Variants in NCAPG2 observed in about 807,000 individuals in gnomAD.
NCAPG2 encodes non-SMC condensin II complex subunit G2.
In NCAPG2, 53 loss-of-function variants were observed where a neutral mutation model predicts 141.1. The observed-to-expected ratio is 0.38, with a 90% CI of 0.30 to 0.47. NCAPG2 has a LOEUF of 0.47. Among genes scored for constraint, NCAPG2 ranks in the 20% least tolerant of loss-of-function variants. The pLI is 0.99. For synonymous variants in NCAPG2, 499 were observed against 490.7 expected (o/e 1.02, Z -0.22); for missense variants, 1,087 against 1,389.0 (o/e 0.78, Z 3.46).
At chr7:158,660,063 A>T (rs1209253223) in intron 16 of NCAPG2, among the ~76,000 whole-genome samples, 3 of 150,728 alleles carry the variant, frequency 2.0e-5, no homozygotes, top group Non-Finnish European at 4.4e-5. Context: ...AGCCAAGATC[A>T]CTCCACTGCA....
chr7:158,689,998 A>G (rs1396753539), intron 5 of NCAPG2, 45 bp from the exon 6 acceptor site: 1 of 1,408,368 alleles, frequency 7.1e-7, no homozygotes, highest in Non-Finnish European at 9.4e-7. Context: ...AATGAACAGT[A>G]AAGTCATATT....
intron 17 of NCAPG2, among the ~76,000 whole-genome samples, chr7:158,657,982 C>T (rs369164604): frequency 6.7e-4 from 101 of 151,720 alleles, no homozygotes; most frequent in African/African-American, 2.4e-3. Context: ...ATCACCACTC[C>T]CTAATCTCAA....
chr7:158,658,538 G>A (rs1424272791), intron 16 of NCAPG2, 130 bp from the exon 17 acceptor site: 7 of 754,862 alleles, frequency 9.3e-6, no homozygotes, highest in Non-Finnish European at 1.4e-5. Flanking sequence ...TCCTTTCCAC[G>A]TTCAAAAGGA....
intron 22 of NCAPG2, among the ~76,000 whole-genome samples, chr7:158,653,942 GTAGGGGCTAGGAGC>G (rs1831702046): frequency 6.6e-6 from 1 of 151,980 alleles, no homozygotes; most frequent in Non-Finnish European, 1.5e-5. Flanking sequence ...GGGTTAGGGA[GTAGGGGCTAGGAGC>G]TAGGGGCTAG....
rs763240633 is a variant in NCAPG2, at chr7:158,690,655, G to C, written c.450C>G (p.Thr150=). 1 of 1,614,036 alleles carries C rather than the reference G, an allele frequency of 6.2e-7. No individual in the cohort carries two copies. Among genetic ancestry groups the C allele is most frequent in the South Asian group, 1.1e-5 (1 of 91,080 alleles). ...TGGCAGGCAGGCCTTTCTCCCACCA[G>C]GTAACACACAAATCCTGAATAGAAC... ...LQSSIQDLCV[T]WWEKGLPAKE... Residue 150 remains threonine (T), a synonymous_variant, in exon 5 of 28, where the codon ACC becomes ACG. Transcript: ENST00000356309.
At chr7:158,702,057 T>C (rs1835834951) in intron 1 of NCAPG2, 119 bp from the exon 2 acceptor site, 1 of 570,230 alleles carries the variant, frequency 1.8e-6, no homozygotes. Context: ...TGGCAGACAG[T>C]TTCTAAAAAC....
chr7:158,689,962 G>T lies in NCAPG2; in HGVS notation c.538-9C>A, dbSNP rs372336576. 3 of 1,489,998 alleles carry T rather than the reference G, an allele frequency of 2.0e-6. No individual in the cohort carries two copies. In the South Asian group the frequency reaches 4.4e-5, roughly 22 times the overall value. The allele number at this position is 1,489,998 out of a possible 1,614,324, so 92.3% of individuals were successfully genotyped here. A position where few individuals can be genotyped will look rare whatever the true frequency, so the allele number is the denominator to read the frequency against. On this transcript the variant is annotated splice_polypyrimidine_tract_variant and intron_variant, in intron 5 of 27. Transcript: ENST00000356309. ...CGACATACGTCTGCACCCTAGGAATGACACAAAAAATGTGATACCTTTTTC... is the reference window on the plus strand; with the variant it reads ...CGACATACGTCTGCACCCTAGGAATTACACAAAAAATGTGATACCTTTTTC...
intron 13 of NCAPG2, chr7:158,667,240 T>G: frequency 1.0e-6 from 1 of 984,596 alleles, no homozygotes; most frequent in Non-Finnish European, 1.2e-6. Flanking sequence ...GCGCCCAAAC[T>G]TCCTGGTGGG....
At chr7:158,666,148 C>T (rs1478216078) in intron 13 of NCAPG2, among the ~76,000 whole-genome samples, 7 of 152,148 alleles carry the variant, frequency 4.6e-5, no homozygotes, top group Admixed American at 3.3e-4. Flanking sequence ...GATTTCTTAC[C>T]TAAGGGTGAG....
intron 27 of NCAPG2, among the ~76,000 whole-genome samples, chr7:158,637,396 G>A (rs891523647): frequency 7.4e-6 from 1 of 135,646 alleles, no homozygotes; most frequent in Non-Finnish European, 1.6e-5. Context: ...TCACCGTGGG[G>A]TGCTGGAAGG....
Position 158,653,827 on chromosome 7 carries a change from T to C in NCAPG2, c.2746+768A>G, listed in dbSNP as rs572432697. Among the ~76,000 whole-genome samples, 3 of 152,334 alleles carry C rather than the reference T, an allele frequency of 2.0e-5. No homozygotes were observed. In the South Asian group the frequency reaches 6.2e-4, roughly 32 times the overall value. ...TTTACAGATCTCAGTGAGAATCAAA[T>C]GCAGCACTGGGATATTGGGATACTA... On this transcript the variant is annotated intron_variant, in intron 22 of 27. Transcript: ENST00000356309.
At position 158,693,049 on chromosome 7, in the gene NCAPG2, C is replaced by A. The variant is rs1001678663; in HGVS notation, c.268-93G>T. 4.1e-5 allele frequency: 39 copies of A among 954,288 alleles called. No homozygotes were observed. Among genetic ancestry groups the A allele is most frequent in the East Asian group, 2.6e-4 (10 of 38,816 alleles). 59.1% of individuals were successfully genotyped at this position (954,288 alleles called of 1,614,324 possible). A position where few individuals can be genotyped will look rare whatever the true frequency, so the allele number is the denominator to read the frequency against. The stretch of plus-strand genomic sequence containing the variant: ...TTTCAGTTACAAATTTTCTAAAAAT[C>A]AAGCCACAATTCTAGCTTATTCTAA... On this transcript the variant is annotated intron_variant, in intron 3 of 27. Coordinates refer to ENST00000356309, the MANE Select transcript of NCAPG2 (RefSeq NM_017760.7).
chr7:158,673,645 C>T (rs1052669491), intron 12 of NCAPG2, among the ~76,000 whole-genome samples: 9 of 152,228 alleles, frequency 5.9e-5, no homozygotes, highest in African/African-American at 2.2e-4. Flanking sequence ...GAGCTACCTG[C>T]TGGTCACCTG....
At chr7:158,655,967 TCTC>T (rs1263383800) in intron 19 of NCAPG2, among the ~76,000 whole-genome samples, 1 of 152,134 alleles carries the variant, frequency 6.6e-6, no homozygotes, top group Non-Finnish European at 1.5e-5. Context: ...ATGTGACACA[TCTC>T]CTGCAGAGGG....
At chr7:158,670,339 G>T (rs1833607635) in intron 13 of NCAPG2, among the ~76,000 whole-genome samples, 1 of 152,196 alleles carries the variant, frequency 6.6e-6, no homozygotes, top group South Asian at 2.1e-4. Context: ...GCCAAGGTGG[G>T]CAGATCGCTT....
In NCAPG2 at chr7:158,633,078, T is replaced by A. The variant is rs1829987543; in HGVS notation, c.3381-1361A>T. ...ATTTAGCTGTGATTTTTTTTTTCCA[T>A]CAATCCAGAATGTAGTGAAAGAAAA... is the stretch of plus-strand genomic sequence containing the variant. On this transcript the variant is annotated intron_variant, in intron 27 of 27. Coordinates refer to ENST00000356309, the MANE Select transcript of NCAPG2 (RefSeq NM_017760.7). The surrounding 1 kb of genome is among the most constrained non-coding windows in gnomAD (Gnocchi z 4.1). Among the ~76,000 whole-genome samples the A allele has an allele frequency of 6.6e-6, 1 of 152,156 alleles. No individual in the cohort carries two copies. The highest frequency in any genetic ancestry group is 1.5e-5 in the Non-Finnish European group (1 of 68,030).
intron 11 of NCAPG2, among the ~76,000 whole-genome samples, chr7:158,676,763 T>C (rs1310000869): frequency 2.6e-5 from 4 of 152,168 alleles, no homozygotes; most frequent in Non-Finnish European, 5.9e-5. Flanking sequence ...GAATTCTTAC[T>C]ACTTTAATTA....
chr7:158,663,973 T>C (rs1389359133), intron 15 of NCAPG2, among the ~76,000 whole-genome samples: 1 of 152,376 alleles, frequency 6.6e-6, no homozygotes, highest in South Asian at 2.1e-4. Flanking sequence ...AGAATTTTTC[T>C]TCTGTATTAA....
chr7:158,686,035 T>C, intron 8 of NCAPG2, 137 bp downstream of exon 8: 1 of 533,768 alleles, frequency 1.9e-6, no homozygotes, highest in Non-Finnish European at 3.3e-6. Flanking sequence ...GGATTGCCCA[T>C]CAAATAGATT....
Sources: gnomAD v4.1 joint callset for allele counts (sites outside exome capture counted in the v4.1 genomes callset) on GRCh38, gnomAD v4.1.1 for gene constraint, Gnocchi (gnomAD v3.1) non-coding constraint, MANE v1.5 for transcripts, NCBI Gene and HGNC (gene_info 2026-07-23, HGNC 2026-07-21) for gene names.